The following TEX13C variants were observed in gnomAD, a reference collection of about 807,000 sequenced individuals.
TEX13C encodes the protein TEX13 family member C, also known as testis-expressed protein 13C.
For missense variants in TEX13C, 480 were observed against 298.7 expected, an observed-to-expected ratio of 1.61 and a Z score of -4.47; for synonymous variants, 219 against 116.6, an observed-to-expected ratio of 1.88 and a Z score of -5.65.
rs1438406011 is a variant in TEX13C, at chrX:125,321,578, G to A, written c.1459G>A (p.Val487Met). 5.9e-6 allele frequency: 3 copies of A among 506,832 alleles called. No individual in the cohort carries two copies. The Admixed American group carries it at 8.0e-5, about 14-fold the overall frequency. 41.8% of individuals were successfully genotyped at this position (506,832 alleles called of 1,213,427 possible). Residue 487 changes from valine to methionine, a missense_variant, in exon 1 of 1, where the codon GTG becomes ATG. Val to Met is a conservative substitution (Grantham distance 21). Coordinates refer to ENST00000632600, the Ensembl canonical transcript of TEX13C. ...TAGCAGGAGGCACAGCCAGAAGAAA[G>A]TGCCAATGATGCCCAAGGAGATGGT...
At chrX:125,322,983 G>T (rs899171244) in exon 1 of TEX13C, 7 of 514,064 alleles carry the variant, frequency 1.4e-5, no homozygotes, top group African/African-American at 2.3e-5. Flanking sequence ...TCATGCTCCA[G>T]CCCAGTGAAT....
At chrX:125,320,110 C>T (rs780769530), upstream of TEX13C, 37 of 466,309 alleles carry the variant, frequency 7.9e-5, no homozygotes, top group Non-Finnish European at 1.1e-4. Flanking sequence ...TTGACTAGGC[C>T]GCAGCCGCCA....
At position 125,323,007 on chromosome X, in the gene TEX13C, G is replaced by C. The variant is rs866731717; in HGVS notation, c.2888G>C (p.Trp963Ser). ...AGCCCAGTGAATTGGGCCTGCCCAT[G>C]GTGTAATGCCATGAATTTTCCACGG... The change falls in exon 1 of 1, where the codon TGG (tryptophan) becomes TCG (serine). Residue 963 changes from tryptophan to serine, a missense_variant. Coordinates refer to ENST00000632600, the Ensembl canonical transcript of TEX13C. 18 of 513,954 alleles carry C rather than the reference G, an allele frequency of 3.5e-5. 1 individual carries two copies. The Middle Eastern group carries it at 2.2e-3, about 62-fold the overall frequency. The allele number at this position is 513,954 out of a possible 1,213,427, so 42.4% of individuals were successfully genotyped here.
exon 1 of TEX13C, chrX:125,324,593 T>G (rs984219667): frequency 9.0e-6 from 1 of 111,472 alleles, no homozygotes; most frequent in Non-Finnish European, 1.9e-5. Flanking sequence ...ACCAAACTGC[T>G]TGTCTCATTG....
At chrX:125,321,091 A>T (rs2018831907) in exon 1 of TEX13C, 1 of 513,985 alleles carries the variant, frequency 1.9e-6, no homozygotes, top group South Asian at 2.5e-5. Flanking sequence ...AGTGTCCCCA[A>T]GGAATGACTT....
exon 1 of TEX13C, chrX:125,320,226 C>G (rs913207753): frequency 4.9e-5 from 25 of 515,038 alleles, no homozygotes; most frequent in Admixed American, 7.9e-5. Flanking sequence ...GCCTTTTACA[C>G]GGCCTTCCGC....
At chrX:125,323,311 T>A (rs899159956) in exon 1 of TEX13C, 14 of 319,355 alleles carry the variant, frequency 4.4e-5, no homozygotes, top group African/African-American at 2.7e-4. Flanking sequence ...CACAAATACG[T>A]ATGTATTTAT....
At chrX:125,320,854 A>C (rs775479489) in exon 1 of TEX13C, 1 of 513,101 alleles carries the variant, frequency 1.9e-6, no homozygotes, top group East Asian at 3.6e-5. Context: ...TGCCATACTC[A>C]ACACCTCTAC....
At chrX:125,325,108 G>A (rs961594868) in exon 1 of TEX13C, 1 of 111,457 alleles carries the variant, frequency 9.0e-6, no homozygotes, top group African/African-American at 3.3e-5. Flanking sequence ...TTCAATCCAA[G>A]CTAAAGATGT....
exon 1 of TEX13C, chrX:125,320,357 G>A (rs2018823812): frequency 3.9e-6 from 2 of 515,240 alleles, no homozygotes; most frequent in African/African-American, 4.6e-5. Context: ...GCAAGTGGCT[G>A]CGAGGCAGCA....
At chrX:125,322,256 C>T (rs776788273) in exon 1 of TEX13C, 12 of 449,650 alleles carry the variant, frequency 2.7e-5, no homozygotes, top group South Asian at 1.6e-4. Flanking sequence ...CAGCCATAGC[C>T]TGAAGAAAGA....
chrX:125,320,652 T>TA lies in TEX13C; in HGVS notation c.536dup (p.Asn179LysfsTer6). The TA allele has an allele frequency of 1.9e-6, 1 of 515,673 alleles. No individual in the cohort carries two copies. Among genetic ancestry groups the TA allele is most frequent in the East Asian group, 3.6e-5 (1 of 27,752 alleles). The allele number at this position is 515,673 out of a possible 1,213,427, so 42.5% of individuals were successfully genotyped here. ...CAGTATGGGCCTGTGGCCGGGACTT[T>TA]AAATGCAGAACAGAGTGAGGCGGTG... On this transcript the variant is annotated frameshift_variant, in exon 1 of 1. Coordinates refer to ENST00000632600, the Ensembl canonical transcript of TEX13C. LOFTEE classifies it low-confidence loss of function (END_TRUNC).
exon 1 of TEX13C, chrX:125,321,166 C>T (rs2018832622): frequency 1.8e-5 from 9 of 513,862 alleles, no homozygotes; most frequent in Non-Finnish European, 3.1e-5. Context: ...GCACAGCTCC[C>T]CCAGAGTTTA....
At chrX:125,322,850 C>A (rs2018861703) in exon 1 of TEX13C, 2 of 513,344 alleles carry the variant, frequency 3.9e-6, no homozygotes, top group Admixed American at 5.3e-5. Flanking sequence ...CCAGGTAACC[C>A]CTCTGGAGGA....
rs146060860 is a variant in TEX13C, at chrX:125,323,256, T to C, written c.*155T>C. ...AATTAGATAAAATAATCCATTATCC[T>C]ATTACCCAAATTAAGTACTTTTTAT... is the stretch of plus-strand genomic sequence containing the variant. On this transcript the variant is annotated 3_prime_UTR_variant, in exon 1 of 1. Transcript: ENST00000632600. 1.7e-3 allele frequency: 679 copies of C among 407,908 alleles called. 6 individuals carry two copies. In the East Asian group the frequency reaches 0.026, roughly 15 times the overall value. 33.6% of individuals were successfully genotyped at this position (407,908 alleles called of 1,213,427 possible).
exon 1 of TEX13C, chrX:125,321,780 C>T (rs1799124132): frequency 2.0e-6 from 1 of 507,571 alleles, no homozygotes; most frequent in South Asian, 2.5e-5. Context: ...CCAGTGATGC[C>T]CCAGAACATG....
At chrX:125,324,830 T>C (rs1042889716) in exon 1 of TEX13C, 2 of 112,294 alleles carry the variant, frequency 1.8e-5, no homozygotes, top group African/African-American at 6.5e-5. Flanking sequence ...GCTGCCCCCA[T>C]CCCAAGTCCC....
chrX:125,324,975 G>A (rs149214849), exon 1 of TEX13C: 1,284 of 111,782 alleles, frequency 0.011, 12 homozygotes, highest in Non-Finnish European at 0.018. Context: ...AGCACTTTTG[G>A]GAATACCCCA....
At chrX:125,321,480 C>G in exon 1 of TEX13C, 1 of 512,318 alleles carries the variant, frequency 2.0e-6, no homozygotes, top group Non-Finnish European at 3.5e-6. Flanking sequence ...GAGATGGTCC[C>G]CCTGGGGGAC....
Sources: allele counts gnomAD v4.1 joint callset, GRCh38; gene constraint gnomAD v4.1.1; transcripts MANE v1.5; gene names NCBI Gene and HGNC (gene_info 2026-07-23, HGNC 2026-07-21).